The following DPM1 variants were observed in gnomAD, a reference collection of about 807,000 sequenced individuals.
DPM1 encodes dolichol-phosphate mannosyltransferase subunit 1.
DPM1 carries 27 observed loss-of-function variants against 39.0 expected under a neutral mutation model. The observed-to-expected ratio is 0.69, with a 90% CI of 0.51 to 0.95. The LOEUF is 0.95. Ranked by LOEUF, DPM1 falls within the 40% of genes least tolerant of loss-of-function variation. The pLI is 0.00. For synonymous variants in DPM1, 124 were observed against 109.0 expected, an observed-to-expected ratio of 1.14 and a Z score of -0.86; for missense variants, 307 against 315.6, an observed-to-expected ratio of 0.97 and a Z score of 0.21.
chr20:50,946,520 C>T (rs949194108), intron 3 of DPM1, among the ~76,000 whole-genome samples: 2 of 152,230 alleles, frequency 1.3e-5, no homozygotes, highest in African/African-American at 2.4e-5. Flanking sequence ...TATTGATTCT[C>T]CATCCAAAAC....
intron 8 of DPM1, 24 bp downstream of exon 8, chr20:50,936,124 C>G: frequency 1.3e-6 from 2 of 1,502,930 alleles, no homozygotes; most frequent in Non-Finnish European, 1.9e-6. Context: ...GAACATGACA[C>G]ACTATTTAGC....
At chr20:50,941,952 T>C in intron 6 of DPM1, 79 bp downstream of exon 6, 1 of 1,229,354 alleles carries the variant, frequency 8.1e-7, no homozygotes, top group Non-Finnish European at 1.2e-6. Flanking sequence ...CCGGGCAGCA[T>C]GATAGCTAAT....
chr20:50,943,210 A>G (rs1986005614), intron 5 of DPM1, among the ~76,000 whole-genome samples: 1 of 152,128 alleles, frequency 6.6e-6, no homozygotes, highest in Admixed American at 6.5e-5. Context: ...AATCATAGAC[A>G]TCCCTACAGG....
intron 2 of DPM1, among the ~76,000 whole-genome samples, chr20:50,949,678 T>G (rs908919684): frequency 2.0e-5 from 3 of 152,210 alleles, no homozygotes; most frequent in Admixed American, 6.5e-5. Context: ...TTGTCTATCT[T>G]GTCCCCTTCT....
Position 50,941,227 on chromosome 20 carries a change from AATATATATATATATATATAT to A in DPM1, c.495-314_495-295del, listed in dbSNP as rs58694792. 114 of 61,188 alleles carry A rather than the reference AATATATATATATATATATAT, an allele frequency of 1.9e-3. 5 individuals are homozygous for A. Among genetic ancestry groups the A allele is most frequent in the East Asian group, 2.6e-3 (8 of 3,046 alleles). The allele number at this position is 61,188 out of a possible 1,614,324, so 3.8% of individuals were successfully genotyped here. A position where few individuals can be genotyped will look rare whatever the true frequency, so the allele number is the denominator to read the frequency against. ...CTCCATCACTACAAAAAAAAAAGTG[AATATATATATATATATATAT>A]ATATATATATATATATAAATAAAAT... On this transcript the variant is annotated intron_variant, in intron 6 of 8. Transcript: ENST00000371588.
chr20:50,941,360 C>CATATATATTCAT (rs1327240056), intron 6 of DPM1, among the ~76,000 whole-genome samples: 4 of 116,028 alleles, frequency 3.4e-5, no homozygotes, highest in African/African-American at 1.7e-4. Context: ...TATTCATATA[C>CATATATATTCAT]ATATATATTC....
chr20:50,944,229 TCA>T (rs1324387828), intron 5 of DPM1: 3 of 152,250 alleles, frequency 2.0e-5, no homozygotes, highest in Admixed American at 1.3e-4. Flanking sequence ...AATAAAATGG[TCA>T]CACACAGTTA....
At chr20:50,943,084 G>A (rs1029828359) in intron 5 of DPM1, among the ~76,000 whole-genome samples, 2 of 151,964 alleles carry the variant, frequency 1.3e-5, no homozygotes, top group Non-Finnish European at 2.9e-5. Flanking sequence ...GCTGAGGCAG[G>A]AGAACTGCTT....
At chr20:50,937,865 G>A (rs73265709) in intron 7 of DPM1, among the ~76,000 whole-genome samples, 5,374 of 151,856 alleles carry the variant, frequency 0.035, 219 homozygotes, top group African/African-American at 0.085. Context: ...TTGTAGAGAC[G>A]GAGACTCACT....
intron 5 of DPM1, chr20:50,944,971 C>T (rs1986173129): frequency 6.6e-6 from 1 of 152,108 alleles, no homozygotes; most frequent in Non-Finnish European, 1.5e-5. Flanking sequence ...AAGAGGTTTC[C>T]TTCTATTCTT....
chr20:50,941,227 A>AAAATATAT (rs751974533), intron 6 of DPM1: 1 of 60,784 alleles, frequency 1.6e-5, no homozygotes, highest in Non-Finnish European at 2.9e-5. Flanking sequence ...AAAAAAAGTG[A>AAAATATAT]ATATATATAT....
intron 7 of DPM1, 59 bp from the exon 8 acceptor site, chr20:50,936,321 T>C: frequency 8.5e-7 from 1 of 1,169,854 alleles, no homozygotes; most frequent in Non-Finnish European, 1.2e-6. Context: ...CTATGTATCC[T>C]GACCTTTCAA....
intron 3 of DPM1, 21 bp downstream of exon 3, chr20:50,948,608 G>C (rs746263556): frequency 6.2e-7 from 1 of 1,612,664 alleles, no homozygotes; most frequent in Non-Finnish European, 8.5e-7. Context: ...GGTGTGAGGG[G>C]TTAGAGATTA....
chr20:50,945,916 T>C lies in DPM1; in HGVS notation c.303A>G (p.Ala101=), dbSNP rs139211110. Residue 101 remains alanine, a synonymous_variant, in exon 4 of 9, where the codon GCA becomes GCG. Coordinates refer to ENST00000371588, the MANE Select transcript of DPM1 (RefSeq NM_003859.3). ...TGGCATGTTTCATTCCATGAATATATGCAGTTCCTAAAAATGAAAGTAGAT... is the reference window on the plus strand; with the variant it reads ...TGGCATGTTTCATTCCATGAATATACGCAGTTCCTAAAAATGAAAGTAGAT... The part of the protein sequence containing the change: ...PREKKLGLGT[A]YIHGMKHATG... 60 of 1,612,996 alleles carry C rather than the reference T, an allele frequency of 3.7e-5. No homozygotes were observed. In the African/African-American group the frequency reaches 7.1e-4, roughly 19 times the overall value.
At chr20:50,952,911 T>C (rs547158497) in intron 2 of DPM1, among the ~76,000 whole-genome samples, 2 of 152,228 alleles carry the variant, frequency 1.3e-5, no homozygotes, top group Non-Finnish European at 2.9e-5. Context: ...TCATATTATA[T>C]AGTTGAAATT....
chr20:50,940,937 C>T lies in DPM1; in HGVS notation c.495-4G>A. On this transcript the variant is annotated splice_polypyrimidine_tract_variant and splice_region_variant and intron_variant, in intron 6 of 8. Coordinates refer to ENST00000371588, the MANE Select transcript of DPM1 (RefSeq NM_003859.3). ...AGTTAAAAAATTGGCCCCACGGCTG[C>T]CAAATAAAACAATCAGATCTTCTTT... The T allele has an allele frequency of 6.2e-7, 1 of 1,613,116 alleles. No homozygotes were observed. Among genetic ancestry groups the T allele is most frequent in the Non-Finnish European group, 8.5e-7 (1 of 1,179,566 alleles).
At chr20:50,955,925 C>T (rs1223701334) in intron 1 of DPM1, among the ~76,000 whole-genome samples, 1 of 152,162 alleles carries the variant, frequency 6.6e-6, no homozygotes, top group Non-Finnish European at 1.5e-5. Context: ...ATCTTAGTTA[C>T]ATAAAATATT....
intron 3 of DPM1, 86 bp downstream of exon 3, chr20:50,948,543 G>T: frequency 8.3e-7 from 1 of 1,202,400 alleles, no homozygotes; most frequent in Non-Finnish European, 1.2e-6. Flanking sequence ...CTGTATTTTG[G>T]CCCTATTCCA....
rs779419312 is a variant in DPM1 at position 50,955,139 on chromosome 20, C to T, written c.261+47G>A. ...GCATTGTTCATGTCTCATCTTTCCC[C>T]TACATAATCACAATTCATATCACAG... On this transcript the variant is annotated intron_variant, in intron 2 of 8. Coordinates refer to ENST00000371588, the MANE Select transcript of DPM1 (RefSeq NM_003859.3). 1.7e-5 allele frequency: 23 copies of T among 1,362,788 alleles called. No homozygotes were observed. The African/African-American group carries it at 3.1e-4, about 19-fold the overall frequency. The allele number at this position is 1,362,788 out of a possible 1,614,324, so 84.4% of individuals were successfully genotyped here. A position where few individuals can be genotyped will look rare whatever the true frequency, so the allele number is the denominator to read the frequency against.
Sources: allele counts gnomAD v4.1 joint callset (sites outside exome capture counted in the v4.1 genomes callset), GRCh38; gene constraint gnomAD v4.1.1; transcripts MANE v1.5; gene names NCBI Gene and HGNC (gene_info 2026-07-23, HGNC 2026-07-21).